Variants in NIPSNAP3B observed in about 807,000 individuals in gnomAD.
NIPSNAP3B encodes nipsnap homolog 3B, also known as protein NipSnap homolog 3B.
NIPSNAP3B carries 30 observed loss-of-function variants against 31.5 expected under a neutral mutation model. The observed-to-expected ratio is 0.95, with a 90% CI of 0.71 to 1.29. The LOEUF (loss-of-function observed/expected upper bound fraction) is 1.29. NIPSNAP3B is among the 50% of genes most tolerant of loss of function. NIPSNAP3B has a pLI of 0.00. For synonymous variants in NIPSNAP3B, 106 were observed against 107.9 expected (o/e 0.98, Z 0.11); for missense variants, 269 against 300.7 (o/e 0.89, Z 0.78).
Position 104,775,535 on chromosome 9 carries a change from C to T in NIPSNAP3B, c.*2462C>T, listed in dbSNP as rs1054659627. Among the ~76,000 whole-genome samples, 1 of 152,164 alleles carries T rather than the reference C, an allele frequency of 6.6e-6. No homozygotes were observed. The highest frequency in any genetic ancestry group is 1.5e-5 in the Non-Finnish European group (1 of 68,040). On this transcript the variant is annotated 3_prime_UTR_variant, in exon 6 of 6. Coordinates refer to ENST00000374762, the MANE Select transcript of NIPSNAP3B (RefSeq NM_018376.4). ...CTTTTCTATTTATACTTACTCCCTGCGTCATCACCCCCAGTCTTGTGGCTT... is the reference window on the plus strand; with the variant it reads ...CTTTTCTATTTATACTTACTCCCTGTGTCATCACCCCCAGTCTTGTGGCTT...
At chr9:104,781,836 T>A (rs1828565157), downstream of NIPSNAP3B, 2 of 152,538 alleles carry the variant, frequency 1.3e-5, no homozygotes, top group South Asian at 4.1e-4. Context: ...TATACAGAAA[T>A]TTTGCTTGAT....
chr9:104,778,727 A>ACC (rs1009555241), downstream of NIPSNAP3B, among the ~76,000 whole-genome samples: 1 of 152,150 alleles, frequency 6.6e-6, no homozygotes, highest in African/African-American at 2.4e-5. Flanking sequence ...ACTGAACATT[A>ACC]CCATAGCTCC....
chr9:104,769,929 A>G (rs1050036085), intron 3 of NIPSNAP3B, among the ~76,000 whole-genome samples: 3 of 152,202 alleles, frequency 2.0e-5, no homozygotes, highest in Admixed American at 2.0e-4. Context: ...GGAAATAATT[A>G]CCTCTATCTA....
chr9:104,786,770 C>T, the NIPSNAP3B span: 1 of 1,101,328 alleles, frequency 9.1e-7, no homozygotes, highest in Non-Finnish European at 1.4e-6. Context: ...AATTGTTTTA[C>T]TCTTTGCTTT....
intron 2 of NIPSNAP3B, among the ~76,000 whole-genome samples, chr9:104,768,295 G>A (rs1158440675): frequency 6.6e-6 from 1 of 152,086 alleles, no homozygotes; most frequent in Non-Finnish European, 1.5e-5. Context: ...ATTGGGAGCT[G>A]TTGTTCAAAA....
At chr9:104,788,337 G>GC in the NIPSNAP3B span, 1 of 1,567,842 alleles carries the variant, frequency 6.4e-7, no homozygotes. Context: ...AGGAAAAACA[G>GC]CCTGAAGTCA....
chr9:104,764,869 A>T (rs1461068309), intron 1 of NIPSNAP3B, among the ~76,000 whole-genome samples: 1 of 152,080 alleles, frequency 6.6e-6, no homozygotes, highest in African/African-American at 2.4e-5. Context: ...TTCTAGCCTA[A>T]ATGCCACAAC....
the NIPSNAP3B span, chr9:104,788,469 A>T: frequency 6.2e-7 from 1 of 1,614,154 alleles, no homozygotes; most frequent in Non-Finnish European, 8.5e-7. Flanking sequence ...AAGGGCAAAG[A>T]ACTCCACGTG....
chr9:104,764,161 C>CT lies in NIPSNAP3B; in HGVS notation c.-74dup. The CT allele has an allele frequency of 1.4e-6, 2 of 1,409,784 alleles. No individual in the cohort carries two copies. The highest frequency in any genetic ancestry group is 2.6e-5 in the East Asian group (1 of 39,202). 87.3% of individuals were successfully genotyped at this position (1,409,784 alleles called of 1,614,324 possible). On this transcript the variant is annotated 5_prime_UTR_variant, in exon 1 of 6. Transcript: ENST00000374762. Reference sequence around the variant, plus strand: ...GAGTTCGCCAGTGGTCCAGGAGCCGCTTTTTTCCACTCGGGAAGACTTCAG... The same window carrying CT: ...GAGTTCGCCAGTGGTCCAGGAGCCGCTTTTTTTCCACTCGGGAAGACTTCAG...
At chr9:104,787,086 A>G in the NIPSNAP3B span, 1 of 831,304 alleles carries the variant, frequency 1.2e-6, no homozygotes, top group Non-Finnish European at 1.9e-6. Flanking sequence ...TTAACTTGCC[A>G]TTCTAGTTAT....
Position 104,764,188 on chromosome 9 carries a change from G to C in NIPSNAP3B, c.-53G>C. 6.5e-7 allele frequency: 1 copy of C among 1,527,922 alleles called. No individual in the cohort carries two copies. Among genetic ancestry groups the C allele is most frequent in the Non-Finnish European group, 8.9e-7 (1 of 1,121,254 alleles). 94.6% of individuals were successfully genotyped at this position (1,527,922 alleles called of 1,614,324 possible). A position where few individuals can be genotyped will look rare whatever the true frequency, so the allele number is the denominator to read the frequency against. On this transcript the variant is annotated 5_prime_UTR_variant, in exon 1 of 6. Transcript: ENST00000374762. ...TTTTTCCACTCGGGAAGACTTCAGAGAAGTCTCACAAAGGACTCGGCTGGC... is the reference window on the plus strand; with the variant it reads ...TTTTTCCACTCGGGAAGACTTCAGACAAGTCTCACAAAGGACTCGGCTGGC...
the NIPSNAP3B span, chr9:104,786,296 A>G: frequency 6.2e-7 from 1 of 1,611,106 alleles, no homozygotes; most frequent in East Asian, 2.2e-5. Flanking sequence ...TATCTTTATT[A>G]CCTATTTTTT....
rs1828287505 is a variant in NIPSNAP3B at position 104,774,262 on chromosome 9, TTCCTC to T, written c.*1192_*1196del. Among the ~76,000 whole-genome samples the T allele has an allele frequency of 6.6e-6, 1 of 152,212 alleles. No homozygotes were observed. Among genetic ancestry groups the T allele is most frequent in the South Asian group, 2.1e-4 (1 of 4,836 alleles). Reference sequence around the variant, plus strand: ...CAATTTGGAAAACAAACTGTACAGTTTCCTCTCATTTATCAGGCTCTAAGCGATCT... The same window carrying T: ...CAATTTGGAAAACAAACTGTACAGTTTCATTTATCAGGCTCTAAGCGATCT... On this transcript the variant is annotated 3_prime_UTR_variant, in exon 6 of 6. Coordinates refer to ENST00000374762, the MANE Select transcript of NIPSNAP3B (RefSeq NM_018376.4).
the NIPSNAP3B span, chr9:104,783,625 G>A: frequency 3.3e-5 from 5 of 152,546 alleles, no homozygotes; most frequent in Non-Finnish European, 5.9e-5. Flanking sequence ...CGTGCCTGGA[G>A]ACACCCACAT....
rs1301188938 is a variant in NIPSNAP3B at position 104,775,113 on chromosome 9, T to G, written c.*2040T>G. On this transcript the variant is annotated 3_prime_UTR_variant, in exon 6 of 6. Coordinates refer to ENST00000374762, the MANE Select transcript of NIPSNAP3B (RefSeq NM_018376.4). ...CTGAAGGATGTGGCTTAGGCAGTTT[T>G]CCTGTCTCCTGAAGCCACAGTATTC... Among the ~76,000 whole-genome samples the G allele has an allele frequency of 6.6e-6, 1 of 152,068 alleles. No individual in the cohort carries two copies. The highest frequency in any genetic ancestry group is 6.5e-5 in the Admixed American group (1 of 15,272).
rs1828210949 is a variant in NIPSNAP3B, at chr9:104,771,229, T to G, written c.580+231T>G. 2.5e-5 allele frequency: 10 copies of G among 400,008 alleles called. No homozygotes were observed. In the South Asian group the frequency reaches 3.9e-4, roughly 16 times the overall value. 24.8% of individuals were successfully genotyped at this position (400,008 alleles called of 1,614,324 possible). A position where few individuals can be genotyped will look rare whatever the true frequency, so the allele number is the denominator to read the frequency against. The stretch of plus-strand genomic sequence containing the variant: ...CTGGTGTTTGTTTTTTAACTTTTAT[T>G]TTAGGTTCACGGGGTACATGTGAAG... On this transcript the variant is annotated intron_variant, in intron 4 of 5. Coordinates refer to ENST00000374762, the MANE Select transcript of NIPSNAP3B (RefSeq NM_018376.4).
At chr9:104,788,148 A>G in the NIPSNAP3B span, 1 of 1,367,342 alleles carries the variant, frequency 7.3e-7, no homozygotes, top group Non-Finnish European at 1.0e-6. Context: ...TTCACTGAGT[A>G]GGACTAGATT....
Position 104,777,723 on chromosome 9 carries a change from TAACA to T in NIPSNAP3B, c.*4651_*4654del, listed in dbSNP as rs916527083. Among the ~76,000 whole-genome samples the T allele has an allele frequency of 1.3e-5, 2 of 152,234 alleles. No individual in the cohort carries two copies. The highest frequency in any genetic ancestry group is 4.8e-5 in the African/African-American group (2 of 41,458). ...GATGCCCAGGTGCAGCCTATATTATTAACAGACAAGGAAAGAATCCAAATAAAAG... is the reference window on the plus strand; with the variant it reads ...GATGCCCAGGTGCAGCCTATATTATTGACAAGGAAAGAATCCAAATAAAAG... On this transcript the variant is annotated 3_prime_UTR_variant, in exon 6 of 6. Transcript: ENST00000374762.
chr9:104,788,371 T>C, the NIPSNAP3B span: 1 of 1,612,400 alleles, frequency 6.2e-7, no homozygotes, highest in Non-Finnish European at 8.5e-7. Flanking sequence ...AGCCATAAGG[T>C]ATATATTGTC....
Sources: gnomAD v4.1 joint callset for allele counts (sites outside exome capture counted in the v4.1 genomes callset) on GRCh38, gnomAD v4.1.1 for gene constraint, MANE v1.5 for transcripts, NCBI Gene and HGNC (gene_info 2026-07-23, HGNC 2026-07-21) for gene names.